PCDH7: variants seen among roughly 807,000 people sequenced by gnomAD.
PCDH7 encodes the protein protocadherin 7.
In PCDH7, 17 loss-of-function variants were observed where a neutral mutation model predicts 58.9. The observed-to-expected ratio is 0.29, with a 90% CI of 0.20 to 0.43. The LOEUF (loss-of-function observed/expected upper bound fraction) is 0.43, where lower values mean the gene tolerates loss of function less well. Ranked by LOEUF, PCDH7 falls within the 20% of genes least tolerant of loss-of-function variation. PCDH7 has a pLI of 1.00. For missense variants in PCDH7, 1,274 were observed against 1,441.0 expected (o/e 0.88, Z 1.88); for synonymous variants, 664 against 616.4 (o/e 1.08, Z -1.14).
At chr4:30,899,478 A>G (rs1291109552) in intron 1 of PCDH7, among the ~76,000 whole-genome samples, 1 of 152,106 alleles carries the variant, frequency 6.6e-6, no homozygotes, top group Non-Finnish European at 1.5e-5. Flanking sequence ...TGTAAGGCTA[A>G]TCTTATTTGA....
intron 3 of PCDH7, among the ~76,000 whole-genome samples, chr4:30,955,631 C>T (rs898416284): frequency 6.6e-6 from 1 of 151,876 alleles, no homozygotes; most frequent in African/African-American, 2.4e-5. Flanking sequence ...TCACTGCAAC[C>T]TCCGCCTCAT....
chr4:30,775,873 G>A (rs1395306633), intron 1 of PCDH7, among the ~76,000 whole-genome samples: 8 of 152,078 alleles, frequency 5.3e-5, no homozygotes, highest in Admixed American at 3.9e-4. Flanking sequence ...CTGCAGCCTG[G>A]GTGACAGAGT....
intron 1 of PCDH7, among the ~76,000 whole-genome samples, chr4:30,834,930 TAC>T (rs201386115): frequency 2.0e-5 from 3 of 151,254 alleles, no homozygotes; most frequent in South Asian, 4.2e-4. Flanking sequence ...TGTATATATA[TAC>T]ACACACACAC....
chr4:30,904,731 C>A (rs1399088796), intron 1 of PCDH7, among the ~76,000 whole-genome samples: 1 of 152,140 alleles, frequency 6.6e-6, no homozygotes, highest in Non-Finnish European at 1.5e-5. Flanking sequence ...GGTAGCTTTC[C>A]TTTCTAACAA....
chr4:31,132,559 C>T (rs961097324), intron 3 of PCDH7, among the ~76,000 whole-genome samples: 2 of 152,020 alleles, frequency 1.3e-5, no homozygotes, highest in African/African-American at 4.8e-5. Context: ...TGATAATTAC[C>T]TAGTTATGAT....
intron 2 of PCDH7, among the ~76,000 whole-genome samples, chr4:30,941,553 G>A (rs1746042321): frequency 6.6e-6 from 1 of 151,904 alleles, no homozygotes; most frequent in Non-Finnish European, 1.5e-5. Context: ...AGTAAGAGGA[G>A]GGAGGTAACA....
chr4:31,005,012 T>C (rs527564211), intron 3 of PCDH7, among the ~76,000 whole-genome samples: 1 of 152,340 alleles, frequency 6.6e-6, no homozygotes, highest in South Asian at 2.1e-4. Flanking sequence ...GTGAATTTAC[T>C]ATGTGAAATA....
At chr4:31,035,099 G>A (rs995395769) in intron 3 of PCDH7, among the ~76,000 whole-genome samples, 1 of 152,142 alleles carries the variant, frequency 6.6e-6, no homozygotes, top group Non-Finnish European at 1.5e-5. Flanking sequence ...TTGAATGATC[G>A]ATGAGGTTCT....
intron 3 of PCDH7, among the ~76,000 whole-genome samples, chr4:31,027,739 G>A (rs1160466705): frequency 1.6e-4 from 24 of 152,060 alleles, no homozygotes; most frequent in Admixed American, 1.4e-3. Flanking sequence ...ATTTATATAT[G>A]CATAATATTT....
rs779838745 is a variant in PCDH7, at chr4:30,808,318, AT to A, written c.70+83728del. ...TTAAGAAGATGTTTGAATAACAACT[AT>A]TTTTTAGCTTCTTTATTGGCAAATA... On this transcript the variant is annotated intron_variant, in intron 1 of 3. Coordinates refer to the PCDH7 transcript ENST00000509759. Among the ~76,000 whole-genome samples, 33 of 152,312 alleles carry A rather than the reference AT, an allele frequency of 2.2e-4. No individual in the cohort carries two copies. The East Asian group carries it at 4.4e-3, about 20-fold the overall frequency.
intron 1 of PCDH7, among the ~76,000 whole-genome samples, chr4:30,820,538 G>A (rs1433524835): frequency 6.6e-6 from 1 of 152,038 alleles, no homozygotes; most frequent in Non-Finnish European, 1.5e-5. Flanking sequence ...TTTAAAAATA[G>A]TAATGTATTA....
Position 30,771,968 on chromosome 4 carries a change from T to G in PCDH7, c.70+47372T>G, listed in dbSNP as rs549916009. Among the ~76,000 whole-genome samples, 4 of 152,202 alleles carry G rather than the reference T, an allele frequency of 2.6e-5. No homozygotes were observed. The South Asian group carries it at 8.3e-4, about 32-fold the overall frequency. On this transcript the variant is annotated intron_variant, in intron 1 of 3. Coordinates refer to the PCDH7 transcript ENST00000509759. ...TCATTGGAACCTTCGCCTCCAGGGTTCAAGCGATTCTCGTGCCTCAGCCTC... is the reference window on the plus strand; with the variant it reads ...TCATTGGAACCTTCGCCTCCAGGGTGCAAGCGATTCTCGTGCCTCAGCCTC...
At chr4:31,133,502 T>A (rs928687415) in intron 3 of PCDH7, among the ~76,000 whole-genome samples, 3 of 152,210 alleles carry the variant, frequency 2.0e-5, no homozygotes, top group Non-Finnish European at 4.4e-5. Context: ...GTGGAATATA[T>A]GCCCCTGTCT....
At chr4:30,790,449 T>G (rs186548609) in intron 1 of PCDH7, among the ~76,000 whole-genome samples, 1 of 152,132 alleles carries the variant, frequency 6.6e-6, no homozygotes, top group Non-Finnish European at 1.5e-5. Flanking sequence ...CAAATAGTAA[T>G]TAATAAATTG....
chr4:30,878,922 C>T (rs1173080449), intron 1 of PCDH7, among the ~76,000 whole-genome samples: 1 of 152,084 alleles, frequency 6.6e-6, no homozygotes, highest in East Asian at 1.9e-4. Flanking sequence ...GTTTTCTTTT[C>T]GTTGTTGTTT....
chr4:30,860,612 C>T (rs929252390), intron 1 of PCDH7, among the ~76,000 whole-genome samples: 21 of 152,136 alleles, frequency 1.4e-4, no homozygotes, highest in Non-Finnish European at 3.1e-4. Flanking sequence ...CTTCTCTTCC[C>T]ACATGATTAC....
intron 2 of PCDH7, among the ~76,000 whole-genome samples, chr4:30,927,591 C>A (rs1017052047): frequency 2.0e-5 from 3 of 152,036 alleles, no homozygotes; most frequent in Admixed American, 2.0e-4. Context: ...ATGTGCTGTG[C>A]CCACTCAGGG....
At chr4:30,852,829 G>GAAAAAAAAAAAA (rs58210433) in intron 1 of PCDH7, among the ~76,000 whole-genome samples, 1 of 74,610 alleles carries the variant, frequency 1.3e-5, no homozygotes, top group African/African-American at 4.8e-5. Context: ...TCAAGCACAG[G>GAAAAAAAAAAAA]AAAAAAAAAA....
chr4:30,890,614 A>C (rs1738488719), intron 1 of PCDH7, among the ~76,000 whole-genome samples: 1 of 152,016 alleles, frequency 6.6e-6, no homozygotes, highest in Admixed American at 6.6e-5. Context: ...ATTTTGATGC[A>C]CATTAATACA....
Sources: gnomAD v4.1 joint callset for allele counts (sites outside exome capture counted in the v4.1 genomes callset) on GRCh38, gnomAD v4.1.1 for gene constraint, MANE v1.5 for transcripts, NCBI Gene and HGNC (gene_info 2026-07-23, HGNC 2026-07-21) for gene names.